PSIP1: variants seen among roughly 807,000 people sequenced by gnomAD.
The protein encoded by PSIP1 is PC4 and SRSF1 interacting protein 1.
PSIP1 carries 19 observed loss-of-function variants against 74.7 expected under a neutral mutation model. The observed-to-expected ratio is 0.25, with a 90% CI of 0.18 to 0.37. PSIP1 has a LOEUF of 0.37. Among genes scored for constraint, PSIP1 ranks in the 10% least tolerant of loss-of-function variants. The probability of loss-of-function intolerance (pLI) is 1.00; values close to 1 mark genes in which losing one functional copy is unlikely to be tolerated. For missense variants in PSIP1, 601 were observed against 614.3 expected (o/e 0.98, Z 0.23); for synonymous variants, 222 against 195.3 (o/e 1.14, Z -1.14).
chr9:15,492,828 G>C (rs1236615295), intron 3 of PSIP1, among the ~76,000 whole-genome samples: 1 of 152,230 alleles, frequency 6.6e-6, no homozygotes, highest in African/African-American at 2.4e-5. Context: ...AAGGCTTGGG[G>C]CTTGCACCCT....
chr9:15,479,830 A>G (rs1401040593), intron 6 of PSIP1, 143 bp from the exon 7 acceptor site: 1 of 509,172 alleles, frequency 2.0e-6, no homozygotes, highest in African/African-American at 2.0e-5. Context: ...TTTTTCAACA[A>G]TCAACTCAAG....
intron 10 of PSIP1, 75 bp from the exon 11 acceptor site, chr9:15,470,068 C>G: frequency 2.5e-6 from 3 of 1,222,752 alleles, no homozygotes; most frequent in Non-Finnish European, 2.4e-6. Context: ...TATGTAAAAG[C>G]TAAAAATGTT....
At chr9:15,507,391 T>C (rs748364994) in intron 2 of PSIP1, among the ~76,000 whole-genome samples, 1 of 152,204 alleles carries the variant, frequency 6.6e-6, no homozygotes, top group Non-Finnish European at 1.5e-5. Flanking sequence ...GGCTCACACC[T>C]GTAATCCCAG....
At chr9:15,483,335 T>C (rs1403960475) in intron 6 of PSIP1, among the ~76,000 whole-genome samples, 1 of 152,084 alleles carries the variant, frequency 6.6e-6, no homozygotes, top group Non-Finnish European at 1.5e-5. Context: ...AGAGCCACCT[T>C]AGATTCTAGT....
chr9:15,501,289 T>C (rs1383252280), intron 3 of PSIP1, among the ~76,000 whole-genome samples: 1 of 151,922 alleles, frequency 6.6e-6, no homozygotes, highest in Admixed American at 6.6e-5. Flanking sequence ...CACCAAATAT[T>C]TATTTAACAG....
chr9:15,478,251 A>G (rs1412734798), intron 8 of PSIP1, among the ~76,000 whole-genome samples: 3 of 151,910 alleles, frequency 2.0e-5, no homozygotes, highest in Non-Finnish European at 4.4e-5. Flanking sequence ...CTAAGTATCT[A>G]TATAAATTGA....
chr9:15,466,115 C>T (rs554565406), intron 15 of PSIP1, among the ~76,000 whole-genome samples: 2 of 151,636 alleles, frequency 1.3e-5, no homozygotes, highest in East Asian at 3.9e-4. Flanking sequence ...CATGTTGGCT[C>T]ACAGCTGTAA....
intron 2 of PSIP1, among the ~76,000 whole-genome samples, chr9:15,509,043 T>C (rs1463755219): frequency 6.6e-6 from 1 of 152,218 alleles, no homozygotes; most frequent in Non-Finnish European, 1.5e-5. Flanking sequence ...GGAACAGTGA[T>C]CGTTTTACAC....
At chr9:15,499,750 T>G (rs1363430502) in intron 3 of PSIP1, among the ~76,000 whole-genome samples, 1 of 151,944 alleles carries the variant, frequency 6.6e-6, no homozygotes, top group African/African-American at 2.4e-5. Context: ...GGCGCGTCCC[T>G]GTAATCCCAG....
rs1371409878 is a variant in PSIP1, at chr9:15,465,397, C to T, written c.*123G>A. ...TTACTTTAAAACAAAGGGATTTTCT[C>T]CCTCAAAACAAGTTTTCAACATCAA... On this transcript the variant is annotated 3_prime_UTR_variant, in exon 16 of 16. Coordinates refer to ENST00000380733, the MANE Select transcript of PSIP1 (RefSeq NM_033222.5). The T allele has an allele frequency of 9.9e-6, 8 of 810,170 alleles. No homozygotes were observed. The East Asian group carries it at 2.1e-4, about 21-fold the overall frequency. 50.2% of individuals were successfully genotyped at this position (810,170 alleles called of 1,614,324 possible).
chr9:15,500,919 C>G (rs2037313580), intron 3 of PSIP1, among the ~76,000 whole-genome samples: 6 of 152,122 alleles, frequency 3.9e-5, no homozygotes, highest in Admixed American at 3.9e-4. Context: ...TTAATAAATA[C>G]TACTAGAAGT....
chr9:15,467,003 T>G, intron 14 of PSIP1, 144 bp from the exon 15 acceptor site: 3 of 643,144 alleles, frequency 4.7e-6, no homozygotes, highest in Non-Finnish European at 5.3e-6. Flanking sequence ...TACATTGTAA[T>G]ACAGCCCTCT....
chr9:15,466,704 G>T, intron 15 of PSIP1, 44 bp downstream of exon 15: 1 of 1,466,314 alleles, frequency 6.8e-7, no homozygotes, highest in Non-Finnish European at 9.4e-7. Flanking sequence ...TTAAAAACCT[G>T]AATAATAAAA....
Position 15,507,136 on chromosome 9 carries a change from A to C in PSIP1, c.73-499T>G, listed in dbSNP as rs149706179. On this transcript the variant is annotated intron_variant, in intron 2 of 15. Transcript: ENST00000380733. ...CAAAAGTTTAAATCAGTACCTCCCA[A>C]AGTCTGAAAAACTTACTATGAAAAG... 8.1e-3 allele frequency among the ~76,000 whole-genome samples: 1,227 copies of C among 152,292 alleles called. 11 individuals are homozygous for C. The highest frequency in any genetic ancestry group is 0.012 in the Non-Finnish European group (797 of 68,018).
chr9:15,485,626 A>G (rs2036527819), intron 6 of PSIP1, among the ~76,000 whole-genome samples: 1 of 152,182 alleles, frequency 6.6e-6, no homozygotes, highest in Admixed American at 6.5e-5. Context: ...CAACAACATA[A>G]TGGACAACAC....
At chr9:15,494,587 A>G (rs1040589085) in intron 3 of PSIP1, among the ~76,000 whole-genome samples, 4 of 150,808 alleles carry the variant, frequency 2.7e-5, no homozygotes, top group African/African-American at 9.8e-5. Context: ...AAAAAAAAAA[A>G]AAAAAATACA....
At chr9:15,489,330 G>T (rs986603125) in intron 4 of PSIP1, 1 of 152,128 alleles carries the variant, frequency 6.6e-6, no homozygotes, top group Non-Finnish European at 1.5e-5. Flanking sequence ...ATTAAAGGCT[G>T]CGCGCAATGG....
chr9:15,473,954 A>C (rs557800932), intron 9 of PSIP1, 55 bp downstream of exon 9: 1 of 1,230,650 alleles, frequency 8.1e-7, no homozygotes, highest in Admixed American at 2.9e-5. Context: ...AAAAACAAAA[A>C]ATATATATAT....
chr9:15,475,725 T>G (rs2036047200), intron 8 of PSIP1, among the ~76,000 whole-genome samples: 1 of 152,164 alleles, frequency 6.6e-6, no homozygotes, highest in South Asian at 2.1e-4. Flanking sequence ...GAAATAATCT[T>G]TGTGCCAAAA....
Sources: allele counts gnomAD v4.1 joint callset (sites outside exome capture counted in the v4.1 genomes callset), GRCh38; gene constraint gnomAD v4.1.1; transcripts MANE v1.5; gene names NCBI Gene and HGNC (gene_info 2026-07-23, HGNC 2026-07-21).